BRD3: variants seen among roughly 807,000 people sequenced by gnomAD.
BRD3 encodes the protein bromodomain-containing protein 3.
A neutral mutation model predicts 66.8 loss-of-function variants in BRD3; 17 were observed. The observed-to-expected ratio is 0.25, with a 90% confidence interval of 0.17 to 0.38. The LOEUF (loss-of-function observed/expected upper bound fraction) is 0.38, where lower values mean the gene tolerates loss of function less well. Among genes scored for constraint, BRD3 ranks in the 10% least tolerant of loss-of-function variants. The pLI, the probability that BRD3 is intolerant of heterozygous loss-of-function variation, is 1.00. For missense variants in BRD3, 713 were observed against 956.1 expected, an observed-to-expected ratio of 0.75 and a Z score of 3.35; for synonymous variants, 421 against 393.2, an observed-to-expected ratio of 1.07 and a Z score of -0.84.
At chr9:134,063,980 G>A (rs1373726009) in intron 1 of BRD3, among the ~76,000 whole-genome samples, 1 of 152,198 alleles carries the variant, frequency 6.6e-6, no homozygotes, top group Non-Finnish European at 1.5e-5. Context: ...GGGGGCGGGG[G>A]CATGTTCCAC....
chr9:134,048,251 G>C lies in BRD3; in HGVS notation c.918C>G (p.Gly306=), dbSNP rs1220097228. The C allele has an allele frequency of 6.2e-7, 1 of 1,611,234 alleles. No individual in the cohort carries two copies. Among genetic ancestry groups the C allele is most frequent in the East Asian group, 2.2e-5 (1 of 44,866 alleles). ...AGTAGCGTAGGTGCTCCGACAGCTT[G>C]CCCTTCTTGCCTGCGTGCTGGGGCA... is the stretch of plus-strand genomic sequence containing the variant. ...GEVPQHAGKK[G]KLSEHLRYCD... Residue 306 remains glycine (G), a synonymous_variant, in exon 6 of 12, where the codon GGC becomes GGG. Transcript: ENST00000303407.
chr9:134,050,480 G>A lies in BRD3; in HGVS notation c.608C>T (p.Thr203Ile), dbSNP rs745883332. ...GACCGACGTGACGTTTGCAGTGATG[G>A]TTGGTACAGGGGTGGCAGCGATGAC... Reference protein sequence around the residue: ...TPVIAATPVPTITANVTSVPV... With the variant: ...TPVIAATPVPIITANVTSVPV... Residue 203 changes from threonine (T) to isoleucine (I), a missense_variant, in exon 5 of 12, where the codon ACC (threonine) becomes ATC (isoleucine). Physicochemically the swap from Thr to Ile is moderately conservative, Grantham distance 89. Coordinates refer to ENST00000303407, the MANE Select transcript of BRD3 (RefSeq NM_007371.4). 6.2e-7 allele frequency: 1 copy of A among 1,612,050 alleles called. No individual in the cohort carries two copies. Among genetic ancestry groups the A allele is most frequent in the East Asian group, 2.2e-5 (1 of 44,864 alleles).
chr9:134,049,092 G>A (rs1374395666), intron 5 of BRD3, among the ~76,000 whole-genome samples: 1 of 152,110 alleles, frequency 6.6e-6, no homozygotes, highest in Non-Finnish European at 1.5e-5. Context: ...AGCCACCGAA[G>A]GCCATTTCAA....
chr9:134,066,106 G>A (rs980243634), intron 1 of BRD3, among the ~76,000 whole-genome samples: 2 of 152,168 alleles, frequency 1.3e-5, no homozygotes, highest in Non-Finnish European at 2.9e-5. Context: ...CCCACTCGGA[G>A]AAAGCTTTTG....
chr9:134,032,933 G>A lies in BRD3; in HGVS notation c.*657C>T, dbSNP rs201682065. On this transcript the variant is annotated 3_prime_UTR_variant, in exon 12 of 12. Coordinates refer to ENST00000303407, the MANE Select transcript of BRD3 (RefSeq NM_007371.4). ...TGGAAACCTGCAGGCTGCATACACA[G>A]CCGCTCTGTTCCCTCCGAGGAGCTC... 1.3e-5 allele frequency: 5 copies of A among 377,618 alleles called. No homozygotes were observed. The highest frequency in any genetic ancestry group is 4.2e-5 in the African/African-American group (2 of 47,326). The allele number at this position is 377,618 out of a possible 1,614,324, so 23.4% of individuals were successfully genotyped here.
At chr9:134,050,618 AC>A (rs2132423885) in intron 4 of BRD3, 30 bp from the exon 5 acceptor site, 1 of 1,553,390 alleles carries the variant, frequency 6.4e-7, no homozygotes. Flanking sequence ...TGTTCAACAC[AC>A]CAGGCTCCAC....
chr9:134,042,792 TACAC>T lies in BRD3; in HGVS notation c.1216-845_1216-842del, dbSNP rs58646444. 7.2e-3 allele frequency among the ~76,000 whole-genome samples: 1,065 copies of T among 147,544 alleles called. 10 individuals are homozygous for T. Among genetic ancestry groups the T allele is most frequent in the African/African-American group, 0.02 (800 of 39,050 alleles). Reference sequence around the variant, plus strand: ...ACACACACATATATATACACAAATATACACACACACACACACACACACACACATT... The same window carrying T: ...ACACACACATATATATACACAAATATACACACACACACACACACACACATT... On this transcript the variant is annotated intron_variant, in intron 7 of 11. Coordinates refer to ENST00000303407, the MANE Select transcript of BRD3 (RefSeq NM_007371.4).
At chr9:134,065,485 A>G (rs1014538365) in intron 1 of BRD3, among the ~76,000 whole-genome samples, 2 of 151,612 alleles carry the variant, frequency 1.3e-5, no homozygotes, top group African/African-American at 4.8e-5. Flanking sequence ...CCGTCAGGTC[A>G]GTTATACTTT....
chr9:134,043,134 C>T (rs114347483), intron 7 of BRD3, among the ~76,000 whole-genome samples: 2,513 of 152,106 alleles, frequency 0.017, 70 homozygotes, highest in African/African-American at 0.056. Flanking sequence ...CCACCACGCC[C>T]GGCCTACTTT....
chr9:134,041,663 G>A (rs1313394549), intron 8 of BRD3, 97 bp downstream of exon 8: 2 of 1,427,668 alleles, frequency 1.4e-6, no homozygotes, highest in East Asian at 5.0e-5. Context: ...AGGGACAGGG[G>A]CAGAGGAAGG....
At chr9:134,063,295 G>A (rs1378463801) in intron 1 of BRD3, among the ~76,000 whole-genome samples, 6 of 152,224 alleles carry the variant, frequency 3.9e-5, no homozygotes, top group Admixed American at 6.5e-5. Context: ...CACAGCCCAC[G>A]GAGCCACCGT....
rs537092010 is a variant in BRD3, at chr9:134,033,811, C to G, written c.2066-106G>C. Reference sequence around the variant, plus strand: ...ACACCATCACACTGGGTGCCACGACCCACCCACTTCCTGACCCAGTCGTTT... The same window carrying G: ...ACACCATCACACTGGGTGCCACGACGCACCCACTTCCTGACCCAGTCGTTT... On this transcript the variant is annotated intron_variant, in intron 11 of 11. Coordinates refer to ENST00000303407, the MANE Select transcript of BRD3 (RefSeq NM_007371.4). This position sits in a 1 kb window ranked among gnomAD's most constrained non-coding sequence, Gnocchi z 5.1. The G allele has an allele frequency of 3.3e-6, 2 of 606,082 alleles. No homozygotes were observed. The highest frequency in any genetic ancestry group is 2.8e-5 in the East Asian group (1 of 35,724). The allele number at this position is 606,082 out of a possible 1,614,324, so 37.5% of individuals were successfully genotyped here. A position where few individuals can be genotyped will look rare whatever the true frequency, so the allele number is the denominator to read the frequency against.
chr9:134,067,900 C>T (rs1167580717), intron 1 of BRD3, 45 bp downstream of exon 1: 1 of 145,190 alleles, frequency 6.9e-6, no homozygotes, highest in Non-Finnish European at 1.5e-5. Flanking sequence ...GCCGCCCGCG[C>T]CGCCCGCCGC....
At chr9:134,041,252 A>T (rs1830040854) in intron 8 of BRD3, among the ~76,000 whole-genome samples, 1 of 152,226 alleles carries the variant, frequency 6.6e-6, no homozygotes, top group Admixed American at 6.5e-5. Flanking sequence ...TCTGACCTCA[A>T]GACAGCTCAG....
chr9:134,043,948 G>A (rs1245102127), intron 7 of BRD3, among the ~76,000 whole-genome samples: 1 of 152,232 alleles, frequency 6.6e-6, no homozygotes, highest in Non-Finnish European at 1.5e-5. Flanking sequence ...TGGAATTACA[G>A]GCGTGAGCAC....
intron 1 of BRD3, among the ~76,000 whole-genome samples, chr9:134,059,437 C>T (rs141425901): frequency 1.3e-5 from 2 of 152,164 alleles, no homozygotes; most frequent in Non-Finnish European, 2.9e-5. Flanking sequence ...TGGAGTGACT[C>T]GGGCTGGAGG....
Position 134,033,438 on chromosome 9 carries a change from C to T in BRD3, c.*152G>A. On this transcript the variant is annotated 3_prime_UTR_variant, in exon 12 of 12. Transcript: ENST00000303407. This position sits in a 1 kb window ranked among gnomAD's most constrained non-coding sequence, Gnocchi z 5.1. Reference sequence around the variant, plus strand: ...CGCACACACAAGATAGATCTCTGACCTATGAAAGCAAAAACTGGAAGATAT... The same window carrying T: ...CGCACACACAAGATAGATCTCTGACTTATGAAAGCAAAAACTGGAAGATAT... 1 of 581,748 alleles carries T rather than the reference C, an allele frequency of 1.7e-6. No homozygotes were observed. Among genetic ancestry groups the T allele is most frequent in the Non-Finnish European group, 3.1e-6 (1 of 322,812 alleles). 36.0% of individuals were successfully genotyped at this position (581,748 alleles called of 1,614,324 possible).
chr9:134,043,352 C>T (rs1336443316), intron 7 of BRD3, among the ~76,000 whole-genome samples: 1 of 152,242 alleles, frequency 6.6e-6, no homozygotes, highest in Non-Finnish European at 1.5e-5. Flanking sequence ...ATCCCCCTCC[C>T]TGGGGCAGCC....
chr9:134,033,300 C>A lies in BRD3; in HGVS notation c.*290G>T. 2.3e-6 allele frequency: 1 copy of A among 429,658 alleles called. No homozygotes were observed. The highest frequency in any genetic ancestry group is 4.1e-6 in the Non-Finnish European group (1 of 244,068). 26.6% of individuals were successfully genotyped at this position (429,658 alleles called of 1,614,324 possible). ...ACAAGGTTCTTCGGTACGAATCTCA[C>A]ACGGTTTTCTGGGGTCATCGGGTTA... is the stretch of plus-strand genomic sequence containing the variant. On this transcript the variant is annotated 3_prime_UTR_variant, in exon 12 of 12. Coordinates refer to ENST00000303407, the MANE Select transcript of BRD3 (RefSeq NM_007371.4). This position sits in a 1 kb window ranked among gnomAD's most constrained non-coding sequence, Gnocchi z 5.1.
Sources: allele counts gnomAD v4.1 joint callset (sites outside exome capture counted in the v4.1 genomes callset), GRCh38; gene constraint gnomAD v4.1.1; non-coding constraint Gnocchi (gnomAD v3.1); transcripts MANE v1.5; gene names NCBI Gene and HGNC (gene_info 2026-07-23, HGNC 2026-07-21).